SAMD4A: variants seen among roughly 807,000 people sequenced by gnomAD.
SAMD4A encodes sterile alpha motif domain containing 4A.
A neutral mutation model predicts 81.3 loss-of-function variants in SAMD4A; 33 were observed. The observed-to-expected ratio is 0.41, with a 90% CI of 0.31 to 0.54. SAMD4A has a LOEUF of 0.54. Ranked by LOEUF, SAMD4A falls within the 20% of genes least tolerant of loss-of-function variation. The pLI is 0.37. For synonymous variants in SAMD4A, 389 were observed against 382.1 expected (o/e 1.02, Z -0.21); for missense variants, 854 against 951.1 (o/e 0.90, Z 1.34).
intron 3 of SAMD4A, among the ~76,000 whole-genome samples, chr14:54,733,625 A>T (rs908593569): frequency 3.3e-5 from 5 of 151,868 alleles, no homozygotes; most frequent in Admixed American, 2.6e-4. Flanking sequence ...ATTTTTTTTT[A>T]AAGGTATACT....
chr14:54,575,922 T>C (rs1383326985), intron 2 of SAMD4A, among the ~76,000 whole-genome samples: 1 of 151,758 alleles, frequency 6.6e-6, no homozygotes, highest in Non-Finnish European at 1.5e-5. Context: ...GCTTTTTGAA[T>C]ATGCTGAAAT....
At chr14:54,651,128 C>T (rs1356046163) in intron 2 of SAMD4A, among the ~76,000 whole-genome samples, 11 of 152,110 alleles carry the variant, frequency 7.2e-5, no homozygotes, top group Non-Finnish European at 1.5e-4. Context: ...CTGAAAGTGT[C>T]AGGAGGAGCT....
In SAMD4A at chr14:54,760,192, C is replaced by T. The variant is rs770783084; in HGVS notation, c.1208C>T (p.Pro403Leu). Residue 403 changes from proline (P) to leucine (L), a missense_variant, in exon 7 of 13, where the codon CCG becomes CTG. Physicochemically the swap from Pro to Leu is moderately conservative, Grantham distance 98. Coordinates refer to ENST00000554335, the MANE Select transcript of SAMD4A (RefSeq NM_015589.6). The stretch of plus-strand genomic sequence containing the variant: ...ATCGAGGGGGGCAGCCTGCGCATCC[C>T]GCTCCAGGAACTGCACCAGATGATC... ...DIIEGGSLRI[P>L]LQELHQMILT... is the part of the protein sequence containing the mutation. 7.4e-6 allele frequency: 12 copies of T among 1,612,978 alleles called. No homozygotes were observed. Among genetic ancestry groups the T allele is most frequent in the Admixed American group, 1.7e-5 (1 of 59,952 alleles).
chr14:54,642,892 C>G (rs2035205160), intron 2 of SAMD4A, among the ~76,000 whole-genome samples: 1 of 152,168 alleles, frequency 6.6e-6, no homozygotes. Flanking sequence ...ACTGGTTCAC[C>G]AGAACCTCTG....
At chr14:54,617,908 C>G (rs1300762198) in intron 2 of SAMD4A, among the ~76,000 whole-genome samples, 1 of 152,206 alleles carries the variant, frequency 6.6e-6, no homozygotes, top group Non-Finnish European at 1.5e-5. Flanking sequence ...TGGAAAAAAA[C>G]TCAAAGCCTT....
chr14:54,737,660 T>C (rs1004370959), intron 4 of SAMD4A, among the ~76,000 whole-genome samples: 6 of 151,048 alleles, frequency 4.0e-5, no homozygotes, highest in African/African-American at 1.5e-4. Context: ...TTGTACCTCA[T>C]TGCTGTGGCC....
At chr14:54,748,171 C>T (rs1445776653) in intron 4 of SAMD4A, among the ~76,000 whole-genome samples, 1 of 152,176 alleles carries the variant, frequency 6.6e-6, no homozygotes, top group Admixed American at 6.5e-5. Context: ...GACACACCCC[C>T]ACGACAGAAA....
chr14:54,697,765 T>C (rs2036611912), intron 2 of SAMD4A, among the ~76,000 whole-genome samples: 1 of 152,216 alleles, frequency 6.6e-6, no homozygotes, highest in Admixed American at 6.5e-5. Flanking sequence ...AGATTCTGGC[T>C]TAGGATTCCT....
intron 7 of SAMD4A, among the ~76,000 whole-genome samples, chr14:54,762,610 C>T (rs1010258958): frequency 6.6e-6 from 1 of 152,142 alleles, no homozygotes; most frequent in African/African-American, 2.4e-5. Context: ...CGCGGCACAT[C>T]GCCCTACTTC....
chr14:54,603,211 C>T (rs2034108182), intron 2 of SAMD4A, among the ~76,000 whole-genome samples: 1 of 152,188 alleles, frequency 6.6e-6, no homozygotes, highest in African/African-American at 2.4e-5. Flanking sequence ...GCATTTCCAT[C>T]AAGGGTATTG....
intron 2 of SAMD4A, among the ~76,000 whole-genome samples, chr14:54,626,057 TGTGCGCGCGCGCGC>T (rs2034748725): frequency 9.5e-6 from 1 of 105,794 alleles, no homozygotes; most frequent in Non-Finnish European, 1.9e-5. Context: ...TGTGTGTGTG[TGTGCGCGCGCGCGC>T]GCGCGAGTGC....
intron 3 of SAMD4A, among the ~76,000 whole-genome samples, chr14:54,705,025 G>C (rs534980047): frequency 3.3e-5 from 5 of 152,284 alleles, no homozygotes; most frequent in Admixed American, 2.6e-4. Context: ...GCTAACTACA[G>C]CTTGGCCAAG....
chr14:54,600,976 C>A (rs975625763), intron 2 of SAMD4A, among the ~76,000 whole-genome samples: 8 of 152,166 alleles, frequency 5.3e-5, no homozygotes, highest in African/African-American at 1.9e-4. Flanking sequence ...TGGGTTTTGG[C>A]TTCTACCAAC....
chr14:54,664,810 AACACACACACACACAC>A (rs140875623), intron 2 of SAMD4A, among the ~76,000 whole-genome samples: 3,155 of 141,758 alleles, frequency 0.022, 44 homozygotes, highest in Middle Eastern at 0.086. Context: ...ATGTGAATCC[AACACACACACACACAC>A]ACACACACAC....
chr14:54,622,780 C>T (rs1266530155), intron 2 of SAMD4A, among the ~76,000 whole-genome samples: 1 of 152,186 alleles, frequency 6.6e-6, no homozygotes, highest in African/African-American at 2.4e-5. Flanking sequence ...TTTTGCTCCT[C>T]AAAGGGTGTC....
intron 2 of SAMD4A, among the ~76,000 whole-genome samples, chr14:54,657,626 A>C (rs2035549112): frequency 6.6e-6 from 1 of 152,222 alleles, no homozygotes; most frequent in African/African-American, 2.4e-5. Flanking sequence ...TTTTCTGCTT[A>C]AGGCATGGAC....
At chr14:54,626,015 GGTGT>G (rs71446501) in intron 2 of SAMD4A, among the ~76,000 whole-genome samples, 16,629 of 131,106 alleles carry the variant, frequency 0.13, 1,094 homozygotes, top group East Asian at 0.24. Flanking sequence ...TCTACTGCTA[GGTGT>G]GTGTGTGTGT....
intron 2 of SAMD4A, among the ~76,000 whole-genome samples, chr14:54,582,597 G>A (rs971465797): frequency 6.6e-6 from 1 of 152,180 alleles, no homozygotes; most frequent in African/African-American, 2.4e-5. Context: ...ACAGCAATAT[G>A]ATAGCTAAAT....
intron 8 of SAMD4A, among the ~76,000 whole-genome samples, chr14:54,768,734 C>G (rs145651190): frequency 1.3e-5 from 2 of 152,246 alleles, no homozygotes; most frequent in African/African-American, 2.4e-5. Context: ...CCCTCGCCTC[C>G]TAGCCCACCT....
Sources: allele counts gnomAD v4.1 joint callset (sites outside exome capture counted in the v4.1 genomes callset), GRCh38; gene constraint gnomAD v4.1.1; transcripts MANE v1.5; gene names NCBI Gene and HGNC (gene_info 2026-07-23, HGNC 2026-07-21).